The following DNAI3 variants were observed in gnomAD, a reference collection of about 807,000 sequenced individuals.
DNAI3 encodes dynein axonemal intermediate chain 3.
In DNAI3, 83 loss-of-function variants were observed where a neutral mutation model predicts 115.5. The ratio of observed to expected loss-of-function variants is 0.72; its 90% CI spans 0.60 to 0.86. The LOEUF (loss-of-function observed/expected upper bound fraction) is 0.86. Among genes scored for constraint, DNAI3 ranks in the 40% least tolerant of loss-of-function variants. The pLI is 0.00. For missense variants in DNAI3, 1,004 were observed against 1,075.8 expected (o/e 0.93, Z 0.93); for synonymous variants, 320 against 347.0 (o/e 0.92, Z 0.86).
At chr1:85,064,751 AG>A (rs1654041580) in intron 1 of DNAI3, among the ~76,000 whole-genome samples, 1 of 151,940 alleles carries the variant, frequency 6.6e-6, no homozygotes, top group African/African-American at 2.4e-5. Context: ...TAAAATAAAA[AG>A]CTGGGTGCAG....
At chr1:85,065,721 T>A (rs971827006) in intron 1 of DNAI3, among the ~76,000 whole-genome samples, 4 of 152,230 alleles carry the variant, frequency 2.6e-5, no homozygotes, top group Admixed American at 6.5e-5. Context: ...CACAAGTGGC[T>A]CCATGCTGAT....
intron 1 of DNAI3, among the ~76,000 whole-genome samples, chr1:85,066,575 G>A (rs990384297): frequency 1.9e-4 from 29 of 151,808 alleles, no homozygotes; most frequent in Admixed American, 3.9e-4. Flanking sequence ...TGATCTGCCC[G>A]CCTCGGCCTC....
intron 1 of DNAI3, among the ~76,000 whole-genome samples, chr1:85,065,553 C>A (rs953049017): frequency 3.3e-5 from 5 of 152,142 alleles, no homozygotes; most frequent in African/African-American, 1.2e-4. Context: ...GGGCAGATAT[C>A]CTTGCAGAAG....
rs538976635 is a variant in DNAI3, at chr1:85,131,045, T to G, written c.2532+933T>G. 1.5e-4 allele frequency among the ~76,000 whole-genome samples: 23 copies of G among 152,224 alleles called. No homozygotes were observed. The South Asian group carries it at 4.6e-3, about 30-fold the overall frequency. Reference sequence around the variant, plus strand: ...CCCTCTTGCTCCCTCTCTCCTTTGCTCTTTTGTTACCAGCATTTCATCATT... The same window carrying G: ...CCCTCTTGCTCCCTCTCTCCTTTGCGCTTTTGTTACCAGCATTTCATCATT... On this transcript the variant is annotated intron_variant, in intron 22 of 22. Coordinates refer to ENST00000294664, the MANE Select transcript of DNAI3 (RefSeq NM_145172.5).
chr1:85,081,022 G>A (rs76885280), intron 3 of DNAI3, among the ~76,000 whole-genome samples: 3,557 of 152,114 alleles, frequency 0.023, 52 homozygotes, highest in Middle Eastern at 0.034. Flanking sequence ...TTGAGAGGTA[G>A]TATTATGGGC....
At chr1:85,087,434 CAAAA>C (rs1162431713) in intron 7 of DNAI3, among the ~76,000 whole-genome samples, 8 of 46,652 alleles carry the variant, frequency 1.7e-4, no homozygotes, top group Admixed American at 6.5e-4. Flanking sequence ...GACTCCATCT[CAAAA>C]AAAAAAAAAA....
At chr1:85,123,620 G>C (rs974940283) in intron 18 of DNAI3, among the ~76,000 whole-genome samples, 1 of 152,158 alleles carries the variant, frequency 6.6e-6, no homozygotes, top group Non-Finnish European at 1.5e-5. Context: ...TGACCCTTCA[G>C]TCTAAATTAC....
rs571088814 is a variant in DNAI3 at position 85,126,577 on chromosome 1, C to G, written c.2179C>G (p.Arg727Gly). The change falls in exon 20 of 23, where the codon CGG (arginine) becomes GGG (glycine). Residue 727 changes from arginine (R) to glycine (G), a missense_variant. By Grantham distance (125) the Arg-to-Gly change is moderately radical. This residue lies in a region of DNAI3 where 429 missense variants were observed against 454.3 expected (regional missense o/e 0.94). Transcript: ENST00000294664. ...CACCTCAGGCCACTGGTCCCTGACT[C>G]GGCCCGGAGTTTTCTACATCGGCCG... is the stretch of plus-strand genomic sequence containing the variant. ...RYTSGHWSLT[R>G]PGVFYIGRED... is the part of the protein sequence containing the mutation. 1.2e-6 allele frequency: 2 copies of G among 1,614,146 alleles called. No individual in the cohort carries two copies. Among genetic ancestry groups the G allele is most frequent in the Admixed American group, 1.7e-5 (1 of 60,020 alleles).
chr1:85,084,212 G>C (rs988723298), intron 5 of DNAI3, among the ~76,000 whole-genome samples: 21 of 134,470 alleles, frequency 1.6e-4, no homozygotes, highest in African/African-American at 5.8e-4. Context: ...TATATGTAGA[G>C]ATGTGTATAT....
intron 17 of DNAI3, 85 bp from the exon 18 acceptor site, chr1:85,121,666 T>C: frequency 7.9e-7 from 1 of 1,268,508 alleles, no homozygotes; most frequent in Non-Finnish European, 1.1e-6. Flanking sequence ...TTGTTTTGCT[T>C]AACAGTCAAT....
rs190457998 is a variant in DNAI3, at chr1:85,094,909, A to C, written c.1173+354A>C. Among the ~76,000 whole-genome samples the C allele has an allele frequency of 2.4e-3, 360 of 152,326 alleles. 4 individuals are homozygous for C. The highest frequency in any genetic ancestry group is 8.2e-3 in the African/African-American group (340 of 41,576). ...CAATTCCAAGGATCACTGGGTAATA[A>C]ATAAAGGTGAATGTGTGGGAGAGCA... On this transcript the variant is annotated intron_variant, in intron 10 of 22. Coordinates refer to ENST00000294664, the MANE Select transcript of DNAI3 (RefSeq NM_145172.5).
rs147148579 is a variant in DNAI3 at position 85,116,353 on chromosome 1, A to G, written c.1787-1376A>G. Among the ~76,000 whole-genome samples, 721 of 152,316 alleles carry G rather than the reference A, an allele frequency of 4.7e-3. 7 individuals carry two copies. Among genetic ancestry groups the G allele is most frequent in the African/African-American group, 0.017 (690 of 41,572 alleles). On this transcript the variant is annotated intron_variant, in intron 16 of 22. Coordinates refer to ENST00000294664, the MANE Select transcript of DNAI3 (RefSeq NM_145172.5). ...GTTAATCATGTTTTCCTTTACATTT[A>G]TCGCACCTTTGCCTCTTCCTTTTCA... is the stretch of plus-strand genomic sequence containing the variant.
At chr1:85,132,472 A>G (rs1400600779) in intron 22 of DNAI3, among the ~76,000 whole-genome samples, 1 of 152,246 alleles carries the variant, frequency 6.6e-6, no homozygotes, top group Non-Finnish European at 1.5e-5. Context: ...AGCCTGGGAC[A>G]GTAGTCATTG....
intron 13 of DNAI3, among the ~76,000 whole-genome samples, chr1:85,104,048 CAA>C (rs1655410427): frequency 1.3e-5 from 2 of 150,776 alleles, no homozygotes; most frequent in African/African-American, 2.4e-5. Context: ...AAAGACTAGA[CAA>C]GAATATGTTG....
At chr1:85,079,928 A>G (rs554723461) in intron 3 of DNAI3, among the ~76,000 whole-genome samples, 1 of 152,216 alleles carries the variant, frequency 6.6e-6, no homozygotes, top group South Asian at 2.1e-4. Flanking sequence ...CTGAGAAGCC[A>G]CTATTTGAAA....
In DNAI3 at chr1:85,082,363, T is replaced by C; in HGVS notation, c.349T>C (p.Tyr117His). The change falls in exon 5 of 23, where the codon TAT (tyrosine) becomes CAT (histidine). Residue 117 changes from tyrosine (Y) to histidine (H), a missense_variant. Tyr to His is a moderately conservative substitution (Grantham distance 83). Transcript: ENST00000294664. ...DKDFKYGLNF[Y>H]LIATEEGKEN... is the part of the protein sequence containing the mutation. ...AGACTTCAAATATGGACTTAACTTT[T>C]ATCTTATTGCAACTGAAGAGGGCAA... 2 of 1,613,950 alleles carry C rather than the reference T, an allele frequency of 1.2e-6. No homozygotes were observed. The highest frequency in any genetic ancestry group is 1.7e-6 in the Non-Finnish European group (2 of 1,179,904).
chr1:85,098,492 CT>C (rs771566141), intron 12 of DNAI3, 37 bp from the exon 13 acceptor site: 6 of 1,602,470 alleles, frequency 3.7e-6, no homozygotes, highest in Admixed American at 1.7e-5. Flanking sequence ...CATCAGCCCT[CT>C]GAAATTAGCA....
chr1:85,084,495 T>A, intron 5 of DNAI3, 51 bp from the exon 6 acceptor site: 1 of 1,223,632 alleles, frequency 8.2e-7, no homozygotes, highest in Non-Finnish European at 1.1e-6. Flanking sequence ...TATATAAAGC[T>A]ATAACCTAAA....
At chr1:85,121,845 A>G in intron 18 of DNAI3, 31 bp downstream of exon 18, 1 of 1,608,802 alleles carries the variant, frequency 6.2e-7, no homozygotes, top group South Asian at 1.1e-5. Context: ...GTTATTAATA[A>G]GATGTTCCTT....
Sources: gnomAD v4.1 joint callset for allele counts (sites outside exome capture counted in the v4.1 genomes callset) on GRCh38, gnomAD v4.1.1 for gene constraint, gnomAD v4.1.1 regional missense constraint, MANE v1.5 for transcripts, NCBI Gene and HGNC (gene_info 2026-07-23, HGNC 2026-07-21) for gene names.